ENKUR: variants seen among roughly 807,000 people sequenced by gnomAD.
ENKUR encodes enkurin.
A neutral mutation model predicts 27.6 loss-of-function variants in ENKUR; 19 were observed. The observed-to-expected ratio is 0.69, with a 90% CI of 0.48 to 1.01. ENKUR has a LOEUF of 1.01. Among genes scored for constraint, ENKUR ranks in the 50% least tolerant of loss-of-function variants. ENKUR has a pLI of 0.00. For synonymous variants in ENKUR, 117 were observed against 96.9 expected (o/e 1.21, Z -1.22); for missense variants, 312 against 310.5 (o/e 1.00, Z -0.04).
At chr10:24,994,770 C>T (rs1269815512) in intron 3 of ENKUR, among the ~76,000 whole-genome samples, 1 of 151,828 alleles carries the variant, frequency 6.6e-6, no homozygotes, top group Non-Finnish European at 1.5e-5. Flanking sequence ...GTCTGCAATC[C>T]CAGCACTTTG....
intron 2 of ENKUR, chr10:25,021,860 A>T (rs560382829): frequency 6.6e-6 from 1 of 152,332 alleles, no homozygotes; most frequent in Admixed American, 6.5e-5. Context: ...TAAATTGAAA[A>T]GTCAAATAAG....
intron 1 of ENKUR, among the ~76,000 whole-genome samples, chr10:25,008,376 T>A (rs75374157): frequency 0.018 from 2,704 of 152,304 alleles, 104 homozygotes; most frequent in African/African-American, 0.059. Flanking sequence ...AAACTCTGGA[T>A]CAGGAGAAAA....
intron 3 of ENKUR, among the ~76,000 whole-genome samples, chr10:24,993,614 C>T (rs1045456585): frequency 6.6e-6 from 1 of 152,154 alleles, no homozygotes; most frequent in African/African-American, 2.4e-5. Context: ...TACTATCTCA[C>T]CTACCAATGA....
intron 1 of ENKUR, among the ~76,000 whole-genome samples, chr10:25,011,275 C>T (rs1180288450): frequency 2.6e-5 from 4 of 152,112 alleles, no homozygotes; most frequent in Admixed American, 6.5e-5. Flanking sequence ...GTCCTTTGCC[C>T]ACTTTTTGAT....
At chr10:25,023,392 A>T in intron 2 of ENKUR, 1 of 1,614,154 alleles carries the variant, frequency 6.2e-7, no homozygotes, top group South Asian at 1.1e-5. Context: ...TGGAGACAAA[A>T]ATATTATCCT....
rs528346731 is a variant in ENKUR at position 24,989,595 on chromosome 10, A to T, written c.594+868T>A. 5.3e-5 allele frequency among the ~76,000 whole-genome samples: 8 copies of T among 152,356 alleles called. No homozygotes were observed. In the South Asian group the frequency reaches 6.2e-4, roughly 12 times the overall value. Reference sequence around the variant, plus strand: ...CACAATACTCCACTGCAGATATTTTAAAAAATCTTATGCCTTTTAAAATAT... The same window carrying T: ...CACAATACTCCACTGCAGATATTTTTAAAAATCTTATGCCTTTTAAAATAT... On this transcript the variant is annotated intron_variant, in intron 4 of 5. Coordinates refer to ENST00000331161, the MANE Select transcript of ENKUR (RefSeq NM_145010.4).
chr10:25,023,486 A>T lies in ENKUR; in HGVS notation c.38-27617T>A, dbSNP rs1850767004. 15 of 1,614,188 alleles carry T rather than the reference A, an allele frequency of 9.3e-6. No homozygotes were observed. The highest frequency in any genetic ancestry group is 1.3e-5 in the Non-Finnish European group (15 of 1,180,022). The stretch of plus-strand genomic sequence containing the variant: ...GGTTGTTGTGTCATAGATGTGGATG[A>T]TGATATCCTTGAAAAAACCTGGAAT... On this transcript the variant is annotated intron_variant, in intron 2 of 5. Transcript: ENST00000615958.
At chr10:25,052,094 G>A (rs1851192431) in intron 2 of ENKUR, among the ~76,000 whole-genome samples, 1 of 152,210 alleles carries the variant, frequency 6.6e-6, no homozygotes, top group Non-Finnish European at 1.5e-5. Context: ...TAACTAGAAA[G>A]TTATGTTCCT....
intron 2 of ENKUR, chr10:25,026,005 G>C (rs1850844606): frequency 6.5e-6 from 1 of 154,342 alleles, no homozygotes; most frequent in Admixed American, 6.5e-5. Flanking sequence ...CAGCCTCCCA[G>C]GTAGCTGGGA....
intron 2 of ENKUR, among the ~76,000 whole-genome samples, chr10:25,056,155 G>C (rs559675201): frequency 2.9e-4 from 44 of 152,304 alleles, no homozygotes; most frequent in African/African-American, 1.1e-3. Flanking sequence ...AGTTCACCCT[G>C]TTAGTGATAG....
At chr10:25,024,136 A>G (rs762734713) in intron 2 of ENKUR, 1 of 1,614,192 alleles carries the variant, frequency 6.2e-7, no homozygotes, top group Non-Finnish European at 8.5e-7. Flanking sequence ...TCCTGCAGAC[A>G]TACCTGCTGC....
At chr10:25,025,114 AC>A in intron 2 of ENKUR, 2 of 1,614,192 alleles carry the variant, frequency 1.2e-6, no homozygotes, top group Non-Finnish European at 1.7e-6. Flanking sequence ...TATTAACTCC[AC>A]CTATAATACT....
intron 1 of ENKUR, among the ~76,000 whole-genome samples, chr10:25,013,495 T>C (rs1850498301): frequency 6.6e-6 from 1 of 152,228 alleles, no homozygotes; most frequent in African/African-American, 2.4e-5. Flanking sequence ...AAAATGCTTA[T>C]GGAAGCTTAG....
intron 2 of ENKUR, 30 bp downstream of exon 2, chr10:24,999,371 A>C: frequency 6.4e-7 from 1 of 1,567,012 alleles, no homozygotes; most frequent in Non-Finnish European, 8.6e-7. Context: ...AATGCTTTTA[A>C]TATTAAAAAT....
Position 25,013,343 on chromosome 10 carries a change from T to C in ENKUR, c.77+2517A>G, listed in dbSNP as rs1182823418. Among the ~76,000 whole-genome samples the C allele has an allele frequency of 2.6e-5, 4 of 152,214 alleles. No individual in the cohort carries two copies. In the South Asian group the frequency reaches 6.2e-4, roughly 24 times the overall value. ...AATGGTTAACAGAATGTATAAAAGA[T>C]TCAAATGCAAAACTATCTCCATAGA... is the stretch of plus-strand genomic sequence containing the variant. On this transcript the variant is annotated intron_variant, in intron 1 of 5. Transcript: ENST00000331161.
At chr10:25,009,094 C>T (rs556320370) in intron 1 of ENKUR, among the ~76,000 whole-genome samples, 33 of 151,598 alleles carry the variant, frequency 2.2e-4, no homozygotes, top group East Asian at 9.7e-4. Flanking sequence ...CATCACACAC[C>T]GGGGACTGTT....
intron 2 of ENKUR, among the ~76,000 whole-genome samples, chr10:25,045,602 A>G (rs1238103282): frequency 6.6e-6 from 1 of 152,184 alleles, no homozygotes; most frequent in Non-Finnish European, 1.5e-5. Context: ...TTCAGAAGCT[A>G]TTTTCTGACT....
chr10:24,986,861 A>G (rs1240545108), intron 4 of ENKUR, among the ~76,000 whole-genome samples: 1 of 152,162 alleles, frequency 6.6e-6, no homozygotes, highest in Non-Finnish European at 1.5e-5. Context: ...TTGCAGCAAT[A>G]GTGATTTTCC....
chr10:25,049,542 C>T (rs1459547003), intron 2 of ENKUR, among the ~76,000 whole-genome samples: 2 of 152,056 alleles, frequency 1.3e-5, no homozygotes, highest in African/African-American at 4.8e-5. Flanking sequence ...AATCCCAGCA[C>T]TTTGGGAGGC....
Sources: allele counts gnomAD v4.1 joint callset (sites outside exome capture counted in the v4.1 genomes callset), GRCh38; gene constraint gnomAD v4.1.1; transcripts MANE v1.5; gene names NCBI Gene and HGNC (gene_info 2026-07-23, HGNC 2026-07-21).